Variants in RYR1 observed in about 807,000 individuals in gnomAD.
The protein encoded by RYR1 is ryanodine receptor 1, also known as central core disease of muscle.
In RYR1, 342 loss-of-function variants were observed where a neutral mutation model predicts 583.5. The ratio of observed to expected loss-of-function variants is 0.59; its 90% confidence interval spans 0.54 to 0.64. RYR1 has a LOEUF of 0.64. RYR1 is among the 30% of genes least tolerant of loss of function. The pLI is 0.00. For synonymous variants in RYR1, 2,791 were observed against 2,822.5 expected (o/e 0.99, Z 0.35); for missense variants, 6,032 against 6,917.2 (o/e 0.87, Z 4.54).
At chr19:38,569,074 A>C (rs71356812) in intron 93 of RYR1, among the ~76,000 whole-genome samples, 5 of 151,944 alleles carry the variant, frequency 3.3e-5, no homozygotes, top group Admixed American at 3.3e-4. Context: ...GCAGTGGCAC[A>C]ATCTCGGCTC....
Position 38,561,328 on chromosome 19 carries a change from C to T in RYR1, c.12498C>T (p.Ala4166=), listed in dbSNP as rs748446527. ...DPRLHNFLEL[A]ESILEYFRPY... is the part of the protein sequence containing the mutation. ...GCCTGCACAACTTCCTGGAGCTGGC[C>T]GAGAGCATCCTTGAGTACTTCCGCC... Residue 4166 remains alanine, a synonymous_variant, in exon 90 of 106, where the codon GCC becomes GCT. Coordinates refer to ENST00000359596, the MANE Select transcript of RYR1 (RefSeq NM_000540.3). This position sits in a 1 kb window ranked among gnomAD's most constrained non-coding sequence, Gnocchi z 4.8. 3.7e-6 allele frequency: 6 copies of T among 1,613,892 alleles called. No individual in the cohort carries two copies. The Admixed American group carries it at 6.7e-5, about 18-fold the overall frequency.
At chr19:38,469,780 A>T (rs1968320822) in intron 27 of RYR1, among the ~76,000 whole-genome samples, 1 of 152,096 alleles carries the variant, frequency 6.6e-6, no homozygotes, top group Non-Finnish European at 1.5e-5. Flanking sequence ...ATAAAAAAAA[A>T]TTAAGTCTAG....
chr19:38,530,291 C>T (rs762014060), intron 76 of RYR1, among the ~76,000 whole-genome samples: 34 of 151,886 alleles, frequency 2.2e-4, no homozygotes, highest in Non-Finnish European at 4.1e-4. Flanking sequence ...GCTCTTCTTG[C>T]CCAGGCTGGA....
At chr19:38,583,433 G>A (rs560041317) in intron 101 of RYR1, among the ~76,000 whole-genome samples, 4 of 148,566 alleles carry the variant, frequency 2.7e-5, no homozygotes. Flanking sequence ...AGCCAATATT[G>A]CACCACAGCA....
chr19:38,583,734 C>T (rs1974321306), intron 101 of RYR1, among the ~76,000 whole-genome samples: 1 of 152,026 alleles, frequency 6.6e-6, no homozygotes, highest in South Asian at 2.1e-4. Flanking sequence ...CAATTCAAGC[C>T]CTTTGCACCT....
At chr19:38,475,935 G>A in intron 29 of RYR1, among the ~76,000 whole-genome samples, 1 of 152,234 alleles carries the variant, frequency 6.6e-6, no homozygotes, top group East Asian at 1.9e-4. Context: ...TTTTGTGGAA[G>A]ACAGTTTTTC....
chr19:38,583,490 A>C (rs1290272407), intron 101 of RYR1, among the ~76,000 whole-genome samples: 1 of 149,266 alleles, frequency 6.7e-6, no homozygotes, highest in Non-Finnish European at 1.5e-5. Context: ...AAAAAAAAAA[A>C]AACATATGTA....
At position 38,500,514 on chromosome 19, in the gene RYR1, A is replaced by G; in HGVS notation, c.7324-92A>G. On this transcript the variant is annotated intron_variant, in intron 45 of 105. Transcript: ENST00000359596. The surrounding 1 kb of genome is among the most constrained non-coding windows in gnomAD (Gnocchi z 5.9). The stretch of plus-strand genomic sequence containing the variant: ...GCCTCCTGAGAAAGAGGCCTGCTCT[A>G]CCCTCCTGTGTGGTAAGGGAGGGAG... The G allele has an allele frequency of 6.4e-7, 1 of 1,554,244 alleles. No individual in the cohort carries two copies. Among genetic ancestry groups the G allele is most frequent in the South Asian group, 1.1e-5 (1 of 89,580 alleles).
At chr19:38,461,122 C>T (rs1242367300) in intron 20 of RYR1, among the ~76,000 whole-genome samples, 1 of 151,758 alleles carries the variant, frequency 6.6e-6, no homozygotes, top group African/African-American at 2.4e-5. Context: ...CCACTACACT[C>T]CAGCCTGGGC....
chr19:38,459,461 TG>T (rs1967613009), intron 19 of RYR1, 123 bp downstream of exon 19: 2 of 915,672 alleles, frequency 2.2e-6, no homozygotes, highest in Non-Finnish European at 3.4e-6. Flanking sequence ...CAAGACTGAC[TG>T]GTGTCCAGAA....
chr19:38,506,215 G>A, intron 54 of RYR1, 88 bp from the exon 55 acceptor site: 1 of 1,319,000 alleles, frequency 7.6e-7, no homozygotes, highest in Non-Finnish European at 1.1e-6. Context: ...GGAGGGGGTA[G>A]AATGGACTAG....
chr19:38,460,720 G>T (rs1021900076), intron 20 of RYR1, 129 bp downstream of exon 20: 1 of 888,408 alleles, frequency 1.1e-6, no homozygotes, highest in African/African-American at 1.7e-5. Flanking sequence ...GCTCACGCCT[G>T]TAAGCCCAGC....
chr19:38,527,525 A>T lies in RYR1; in HGVS notation c.10687-122A>T, dbSNP rs1293436243. On this transcript the variant is annotated intron_variant, in intron 72 of 105. Transcript: ENST00000359596. ...GCTCCGTCTCAAAACAAAAAGATGA[A>T]GAAGAAGAAAGGCCTCAACATGCAC... 3.6e-5 allele frequency: 47 copies of T among 1,292,900 alleles called. No individual in the cohort carries two copies. The Middle Eastern group carries it at 7.5e-4, about 21-fold the overall frequency. The allele number at this position is 1,292,900 out of a possible 1,614,324, so 80.1% of individuals were successfully genotyped here.
chr19:38,544,346 C>T (rs915731573), intron 87 of RYR1, among the ~76,000 whole-genome samples: 2 of 152,204 alleles, frequency 1.3e-5, no homozygotes, highest in African/African-American at 4.8e-5. Context: ...CTTCCATTTC[C>T]ATAATCCTTG....
chr19:38,507,960 A>T (rs942796576), intron 58 of RYR1, 133 bp downstream of exon 58: 1 of 678,524 alleles, frequency 1.5e-6, no homozygotes, highest in Non-Finnish European at 2.7e-6. Flanking sequence ...AGCTTCTACT[A>T]TGTGCCAGAC....
At chr19:38,504,106 C>T in intron 49 of RYR1, 114 bp from the exon 50 acceptor site, 3 of 1,136,910 alleles carry the variant, frequency 2.6e-6, no homozygotes, top group Middle Eastern at 2.6e-4. Context: ...GCATAACCCA[C>T]ACCTCCTTCA....
chr19:38,492,380 AAATG>A, intron 37 of RYR1, 106 bp from the exon 38 acceptor site: 2 of 1,176,316 alleles, frequency 1.7e-6, no homozygotes, highest in South Asian at 1.4e-5. Flanking sequence ...AAAAAAAAGG[AAATG>A]AAAAACTCCA....
intron 76 of RYR1, 151 bp downstream of exon 76, chr19:38,529,208 A>G: frequency 1.3e-6 from 1 of 782,276 alleles, no homozygotes; most frequent in Non-Finnish European, 2.2e-6. Flanking sequence ...CTGGTCAGGC[A>G]CGGTGGCTCA....
At chr19:38,491,870 T>C (rs1338195376) in intron 37 of RYR1, among the ~76,000 whole-genome samples, 1 of 152,216 alleles carries the variant, frequency 6.6e-6, no homozygotes, top group Non-Finnish European at 1.5e-5. Context: ...AGTTATTTTA[T>C]TTTTCAACTC....
Sources: allele counts gnomAD v4.1 joint callset (sites outside exome capture counted in the v4.1 genomes callset), GRCh38; gene constraint gnomAD v4.1.1; non-coding constraint Gnocchi (gnomAD v3.1); transcripts MANE v1.5; gene names NCBI Gene and HGNC (gene_info 2026-07-23, HGNC 2026-07-21).